Variants in LBP observed in about 807,000 individuals in gnomAD.
LBP encodes lipopolysaccharide binding protein.
LBP carries 53 observed loss-of-function variants against 56.6 expected under a neutral mutation model. That is an observed-to-expected ratio of 0.94 (90% confidence interval 0.75 to 1.18). The LOEUF is 1.18. LBP is among the 50% of genes most tolerant of loss of function. The pLI is 0.00. For synonymous variants in LBP, 227 were observed against 247.5 expected (o/e 0.92, Z 0.78); for missense variants, 601 against 598.3 (o/e 1.00, Z -0.05).
chr20:38,355,755 C>A (rs953985710), intron 5 of LBP, among the ~76,000 whole-genome samples: 32 of 152,082 alleles, frequency 2.1e-4, no homozygotes, highest in Non-Finnish European at 4.4e-4. Context: ...ATTCCTCAGG[C>A]GCCTGCAAGA....
intron 6 of LBP, among the ~76,000 whole-genome samples, chr20:38,363,457 G>C (rs1205341876): frequency 6.6e-6 from 1 of 152,158 alleles, no homozygotes; most frequent in Non-Finnish European, 1.5e-5. Context: ...AAGCTCGGAG[G>C]GGGAGACCCT....
At chr20:38,350,679 G>A in intron 2 of LBP, 132 bp from the exon 3 acceptor site, 1 of 975,006 alleles carries the variant, frequency 1.0e-6, no homozygotes, top group Non-Finnish European at 1.5e-6. Flanking sequence ...CGATGCCTGG[G>A]GCACAGCAGG....
chr20:38,370,431 A>G (rs1445044803), intron 10 of LBP, among the ~76,000 whole-genome samples: 1 of 152,222 alleles, frequency 6.6e-6, no homozygotes, highest in African/African-American at 2.4e-5. Context: ...TTGACCTGAG[A>G]TAACTAGAAA....
chr20:38,366,581 G>A (rs1293721909), intron 8 of LBP, among the ~76,000 whole-genome samples, 188 bp from the exon 9 acceptor site: 2 of 152,206 alleles, frequency 1.3e-5, no homozygotes, highest in Non-Finnish European at 2.9e-5. Context: ...CCCGGGGAGA[G>A]CGGGCAGGAT....
intron 10 of LBP, 128 bp from the exon 11 acceptor site, chr20:38,370,610 T>G: frequency 1.3e-6 from 1 of 782,826 alleles, no homozygotes; most frequent in Non-Finnish European, 2.2e-6. Flanking sequence ...TATGATCTAG[T>G]GGGCAAATTT....
At chr20:38,366,573 C>T (rs547704401) in intron 8 of LBP, among the ~76,000 whole-genome samples, 196 bp from the exon 9 acceptor site, 49 of 152,292 alleles carry the variant, frequency 3.2e-4, no homozygotes, top group Admixed American at 8.5e-4. Context: ...AGCTGCCCCC[C>T]GGGGAGAGCG....
intron 14 of LBP, among the ~76,000 whole-genome samples, chr20:38,375,590 A>C (rs1190805027): frequency 6.6e-6 from 1 of 152,208 alleles, no homozygotes; most frequent in African/African-American, 2.4e-5. Flanking sequence ...CAAAAGAAAA[A>C]AAAAATTAAC....
intron 5 of LBP, among the ~76,000 whole-genome samples, chr20:38,357,956 C>A (rs368130884): frequency 6.6e-6 from 1 of 152,220 alleles, no homozygotes; most frequent in East Asian, 1.9e-4. Flanking sequence ...CCAGAGGGCA[C>A]TCTCATCGCC....
intron 4 of LBP, 51 bp downstream of exon 4, chr20:38,354,490 G>C: frequency 6.5e-7 from 1 of 1,542,232 alleles, no homozygotes; most frequent in Non-Finnish European, 8.8e-7. Flanking sequence ...GCAGCTCCCG[G>C]CCAATCCAGC....
At position 38,364,828 on chromosome 20, in the gene LBP, G is replaced by A. The variant is rs919687734; in HGVS notation, c.921+76G>A. Reference sequence around the variant, plus strand: ...CCTTCCTTCTTTCCTTTTCACCCCTGTTGACATCAGTCAAATAGTGAGTTA... The same window carrying A: ...CCTTCCTTCTTTCCTTTTCACCCCTATTGACATCAGTCAAATAGTGAGTTA... On this transcript the variant is annotated intron_variant, in intron 8 of 14. Coordinates refer to ENST00000217407, the MANE Select transcript of LBP (RefSeq NM_004139.5). 3.8e-6 allele frequency: 5 copies of A among 1,310,584 alleles called. No individual in the cohort carries two copies. The African/African-American group carries it at 5.9e-5, about 15-fold the overall frequency. 81.2% of individuals were successfully genotyped at this position (1,310,584 alleles called of 1,614,324 possible). A position where few individuals can be genotyped will look rare whatever the true frequency, so the allele number is the denominator to read the frequency against.
At position 38,376,658 on chromosome 20, in the gene LBP, A is replaced by T; in HGVS notation, c.1435A>T (p.Met479Leu). Residue 479 changes from methionine to leucine, a missense_variant, in exon 15 of 15, where the codon ATG becomes TTG. By Grantham distance (15) the Met-to-Leu change is conservative. Transcript: ENST00000217407. ...GTTCTTGGGTGCCAATGTCCAATACATGAGAGTTTGAGGACAAGAAAGATG... is the reference window on the plus strand; with the variant it reads ...GTTCTTGGGTGCCAATGTCCAATACTTGAGAGTTTGAGGACAAGAAAGATG... The part of the protein sequence containing the change: ...FLFLGANVQY[M>L]RV 1 of 1,613,978 alleles carries T rather than the reference A, an allele frequency of 6.2e-7. No individual in the cohort carries two copies. The highest frequency in any genetic ancestry group is 1.7e-5 in the Admixed American group (1 of 60,026).
At chr20:38,365,717 A>AAATAT (rs2076879225) in intron 8 of LBP, among the ~76,000 whole-genome samples, 4 of 43,716 alleles carry the variant, frequency 9.1e-5, no homozygotes, top group African/African-American at 3.6e-4. Context: ...AAAAAAAAAA[A>AAATAT]ATATATATAT....
rs185862887 is a variant in LBP, at chr20:38,372,748, G to T, written c.1261-324G>T. Among the ~76,000 whole-genome samples, 19 of 152,090 alleles carry T rather than the reference G, an allele frequency of 1.2e-4. No homozygotes were observed. In the East Asian group the frequency reaches 2.9e-3, roughly 23 times the overall value. On this transcript the variant is annotated intron_variant, in intron 12 of 14. Transcript: ENST00000217407. ...TGATTTTGGTAGAGAAGCTTATTTTGTTTTTATTAAATTTTTTAAATTATG... is the reference window on the plus strand; with the variant it reads ...TGATTTTGGTAGAGAAGCTTATTTTTTTTTTATTAAATTTTTTAAATTATG...
intron 9 of LBP, among the ~76,000 whole-genome samples, chr20:38,367,963 G>A (rs150738928): frequency 3.9e-5 from 6 of 151,954 alleles, no homozygotes; most frequent in Admixed American, 1.3e-4. Flanking sequence ...AGGCCAAAGT[G>A]GGGGGGTAGC....
chr20:38,347,492 C>T (rs368250852), intron 1 of LBP, among the ~76,000 whole-genome samples: 2 of 152,026 alleles, frequency 1.3e-5, no homozygotes, highest in African/African-American at 2.4e-5. Flanking sequence ...TGCAGTGAGC[C>T]GAGATCATGC....
At chr20:38,363,200 C>T (rs2076867733) in intron 6 of LBP, among the ~76,000 whole-genome samples, 1 of 152,190 alleles carries the variant, frequency 6.6e-6, no homozygotes, top group African/African-American at 2.4e-5. Flanking sequence ...AAATTGCAAG[C>T]TCGTCATATC....
At chr20:38,349,807 C>T (rs2076814433) in intron 2 of LBP, 145 bp downstream of exon 2, 1 of 609,268 alleles carries the variant, frequency 1.6e-6, no homozygotes, top group East Asian at 2.8e-5. Context: ...CTGAAGAGCT[C>T]AGAAGGAAAT....
intron 7 of LBP, 145 bp downstream of exon 7, chr20:38,364,211 T>C: frequency 6.2e-6 from 4 of 647,326 alleles, no homozygotes; most frequent in Non-Finnish European, 8.2e-6. Flanking sequence ...TATGGAGTGG[T>C]GGGGAGTGTT....
chr20:38,358,456 TG>T (rs1443637574), intron 5 of LBP, among the ~76,000 whole-genome samples: 2 of 152,110 alleles, frequency 1.3e-5, no homozygotes, highest in Non-Finnish European at 2.9e-5. Flanking sequence ...GCTTTTGGGA[TG>T]GTCTGATGGG....
Sources: gnomAD v4.1 joint callset for allele counts (sites outside exome capture counted in the v4.1 genomes callset) on GRCh38, gnomAD v4.1.1 for gene constraint, MANE v1.5 for transcripts, NCBI Gene and HGNC (gene_info 2026-07-23, HGNC 2026-07-21) for gene names.